The following AMBRA1 variants were observed in gnomAD, a reference collection of about 807,000 sequenced individuals.
AMBRA1 encodes the protein activating molecule in BECN1-regulated autophagy protein 1.
Under a neutral mutation model 125.4 loss-of-function variants are expected in AMBRA1, and 47 were observed. That is an observed-to-expected ratio of 0.37 (90% confidence interval 0.30 to 0.48). The LOEUF (loss-of-function observed/expected upper bound fraction) is 0.48, where lower values mean the gene tolerates loss of function less well. Ranked by LOEUF, AMBRA1 falls within the 20% of genes least tolerant of loss-of-function variation. AMBRA1 has a pLI of 0.99. For missense variants in AMBRA1, 1,331 were observed against 1,693.4 expected (o/e 0.79, Z 3.76); for synonymous variants, 626 against 655.5 (o/e 0.95, Z 0.69).
At chr11:46,514,114 G>A (rs1202590050) in intron 7 of AMBRA1, among the ~76,000 whole-genome samples, 3 of 152,156 alleles carry the variant, frequency 2.0e-5, no homozygotes, top group South Asian at 2.1e-4. Context: ...ACAGGTCCCT[G>A]GCTCCCTGCC....
chr11:46,541,135 C>T (rs1349646611), intron 7 of AMBRA1, among the ~76,000 whole-genome samples: 1 of 152,184 alleles, frequency 6.6e-6, no homozygotes, highest in Non-Finnish European at 1.5e-5. Context: ...TACAAAATTA[C>T]AGAAAGAAGT....
chr11:46,582,912 C>T (rs1209882872), intron 1 of AMBRA1, among the ~76,000 whole-genome samples: 1 of 151,428 alleles, frequency 6.6e-6, no homozygotes, highest in Non-Finnish European at 1.5e-5. Flanking sequence ...TGTAAAAGGC[C>T]TCACAGGGAT....
intron 15 of AMBRA1, among the ~76,000 whole-genome samples, chr11:46,411,670 T>C (rs540844981): frequency 4.9e-4 from 75 of 152,326 alleles, no homozygotes; most frequent in African/African-American, 1.7e-3. Context: ...GGTTTCACCA[T>C]GTTGGCCAGG....
At chr11:46,436,471 T>A (rs889118310) in intron 12 of AMBRA1, among the ~76,000 whole-genome samples, 1 of 152,216 alleles carries the variant, frequency 6.6e-6, no homozygotes, top group African/African-American at 2.4e-5. Flanking sequence ...TGGTTCTGTT[T>A]GCTAACTAAT....
At chr11:46,466,105 TG>T (rs1328622479) in intron 11 of AMBRA1, among the ~76,000 whole-genome samples, 1 of 152,222 alleles carries the variant, frequency 6.6e-6, no homozygotes, top group Non-Finnish European at 1.5e-5. Context: ...CTGTGGAAGA[TG>T]TACATAAAAT....
intron 11 of AMBRA1, among the ~76,000 whole-genome samples, chr11:46,464,696 C>T (rs1465940118): frequency 1.3e-5 from 2 of 152,082 alleles, no homozygotes; most frequent in African/African-American, 4.8e-5. Context: ...AACAACTTGC[C>T]TTTGATATGC....
chr11:46,400,787 CCA>C (rs1231509647), intron 17 of AMBRA1, among the ~76,000 whole-genome samples: 1 of 151,990 alleles, frequency 6.6e-6, no homozygotes, highest in Non-Finnish European at 1.5e-5. Context: ...GCGCCCAGCC[CCA>C]GTCTTAGACG....
intron 9 of AMBRA1, among the ~76,000 whole-genome samples, chr11:46,502,158 C>T (rs1184522428): frequency 6.6e-6 from 1 of 152,142 alleles, no homozygotes; most frequent in Non-Finnish European, 1.5e-5. Flanking sequence ...CGGCTCACTG[C>T]AATCTCCGCC....
chr11:46,593,256 A>C (rs1363738776), intron 1 of AMBRA1, among the ~76,000 whole-genome samples: 1 of 152,178 alleles, frequency 6.6e-6, no homozygotes, highest in African/African-American at 2.4e-5. Context: ...GGGAATTGGT[A>C]AACGACAAAA....
chr11:46,548,246 C>T lies in AMBRA1; in HGVS notation c.135G>A (p.Lys45=), dbSNP rs1404357388. ...DKTRWMKWEG[K]RVELPDSPRS... ...TGTGAAATATAGCCATTTTCCTTAC[C>T]TTGCCCTCCCATTTCATCCACCGGG... Residue 45 remains lysine (K), a splice_region_variant and synonymous_variant, in exon 2 of 18, where the codon AAG becomes AAA. Coordinates refer to ENST00000683756, the MANE Select transcript of AMBRA1 (RefSeq NM_001387011.1). The T allele has an allele frequency of 5.0e-6, 8 of 1,614,130 alleles. No homozygotes were observed. The highest frequency in any genetic ancestry group is 6.8e-6 in the Non-Finnish European group (8 of 1,180,036).
intron 11 of AMBRA1, among the ~76,000 whole-genome samples, chr11:46,470,393 T>G (rs759475608): frequency 2.0e-4 from 30 of 151,758 alleles, no homozygotes; most frequent in Admixed American, 4.6e-4. Flanking sequence ...TCGAGACCAA[T>G]CCTGGCTAAC....
At chr11:46,516,844 AACTTG>A (rs2135071992) in intron 7 of AMBRA1, among the ~76,000 whole-genome samples, 1 of 152,264 alleles carries the variant, frequency 6.6e-6, no homozygotes, top group East Asian at 1.9e-4. Flanking sequence ...GACCACCACA[AACTTG>A]ACTTGACTTA....
chr11:46,566,712 A>C (rs912191443), intron 1 of AMBRA1, among the ~76,000 whole-genome samples: 2 of 152,194 alleles, frequency 1.3e-5, no homozygotes, highest in Non-Finnish European at 2.9e-5. Flanking sequence ...TAACAGTAAG[A>C]AAAGCATGAC....
intron 14 of AMBRA1, among the ~76,000 whole-genome samples, chr11:46,424,830 T>C (rs1947037411): frequency 6.6e-6 from 1 of 151,854 alleles, no homozygotes; most frequent in Non-Finnish European, 1.5e-5. Context: ...AGATCCTGTG[T>C]CTTAAAAAAA....
chr11:46,511,899 G>A (rs982019522), intron 8 of AMBRA1, among the ~76,000 whole-genome samples: 1 of 152,006 alleles, frequency 6.6e-6, no homozygotes, highest in African/African-American at 2.4e-5. Flanking sequence ...CTGTCACCCA[G>A]GCTGGAGTGC....
At chr11:46,442,870 T>C (rs1948087780) in intron 12 of AMBRA1, among the ~76,000 whole-genome samples, 1 of 152,186 alleles carries the variant, frequency 6.6e-6, no homozygotes, top group Non-Finnish European at 1.5e-5. Flanking sequence ...TATAGGTGCA[T>C]GCCATCATGC....
At chr11:46,403,384 A>C (rs925679319) in intron 17 of AMBRA1, among the ~76,000 whole-genome samples, 1 of 152,212 alleles carries the variant, frequency 6.6e-6, no homozygotes, top group Non-Finnish European at 1.5e-5. Context: ...TTCACCAGAC[A>C]AAACAGAGGC....
intron 11 of AMBRA1, among the ~76,000 whole-genome samples, chr11:46,444,843 G>GT (rs1948198842): frequency 6.6e-6 from 1 of 152,122 alleles, no homozygotes; most frequent in African/African-American, 2.4e-5. Context: ...TATGAGAAAA[G>GT]TACTCTCTGC....
intron 3 of AMBRA1, 47 bp from the exon 4 acceptor site, chr11:46,547,343 T>C: frequency 1.3e-6 from 2 of 1,513,348 alleles, no homozygotes; most frequent in Non-Finnish European, 8.9e-7. Flanking sequence ...TGTGGAAGGG[T>C]AACCAATCTT....
Sources: allele counts gnomAD v4.1 joint callset (sites outside exome capture counted in the v4.1 genomes callset), GRCh38; gene constraint gnomAD v4.1.1; transcripts MANE v1.5; gene names NCBI Gene and HGNC (gene_info 2026-07-23, HGNC 2026-07-21).